PCSK5: variants seen among roughly 807,000 people sequenced by gnomAD.
PCSK5 encodes the protein prohormone convertase 5.
In PCSK5, 129 loss-of-function variants were observed where a neutral mutation model predicts 233.2. The observed-to-expected ratio is 0.55, with a 90% confidence interval of 0.48 to 0.64. PCSK5 has a LOEUF of 0.64. Ranked by LOEUF, PCSK5 falls within the 30% of genes least tolerant of loss-of-function variation. PCSK5 has a pLI of 0.00. For synonymous variants in PCSK5, 825 were observed against 879.2 expected, an observed-to-expected ratio of 0.94 and a Z score of 1.09; for missense variants, 2,076 against 2,430.1, an observed-to-expected ratio of 0.85 and a Z score of 3.06.
chr9:76,207,046 T>G (rs1239234929), intron 20 of PCSK5, among the ~76,000 whole-genome samples: 1 of 152,124 alleles, frequency 6.6e-6, no homozygotes, highest in Non-Finnish European at 1.5e-5. Context: ...AAGCCAGCAG[T>G]AGCCTCGTTA....
At chr9:76,273,768 G>A (rs1259702442) in intron 24 of PCSK5, among the ~76,000 whole-genome samples, 1 of 150,620 alleles carries the variant, frequency 6.6e-6, no homozygotes, top group Non-Finnish European at 1.5e-5. Flanking sequence ...AAGTAGCTGG[G>A]ATTACAGGTG....
chr9:75,935,432 C>T (rs766867359), intron 2 of PCSK5, among the ~76,000 whole-genome samples: 6 of 152,170 alleles, frequency 3.9e-5, no homozygotes, highest in Non-Finnish European at 8.8e-5. Flanking sequence ...TTGGGATCAA[C>T]TTACAGATAT....
chr9:76,361,513 C>T lies in PCSK5; in HGVS notation c.*2591C>T, dbSNP rs1243505277. 6.6e-6 allele frequency: 1 copy of T among 152,088 alleles called. No homozygotes were observed. The highest frequency in any genetic ancestry group is 6.5e-5 in the Admixed American group (1 of 15,272). The allele number at this position is 152,088 out of a possible 1,614,324, so 9.4% of individuals were successfully genotyped here. On this transcript the variant is annotated 3_prime_UTR_variant, in exon 38 of 38. Transcript: ENST00000674117. Reference sequence around the variant, plus strand: ...CCAGGAGTTCGACATCAGCCTTGGACAACATAGTGAGACTCCCGTGTCTAC... The same window carrying T: ...CCAGGAGTTCGACATCAGCCTTGGATAACATAGTGAGACTCCCGTGTCTAC...
intron 7 of PCSK5, among the ~76,000 whole-genome samples, chr9:76,089,383 T>C (rs964295576): frequency 6.6e-6 from 1 of 152,184 alleles, no homozygotes; most frequent in African/African-American, 2.4e-5. Flanking sequence ...CATATACAGA[T>C]CCAGAGGTTC....
chr9:76,013,625 T>G (rs1281818770), intron 3 of PCSK5, among the ~76,000 whole-genome samples: 1 of 152,212 alleles, frequency 6.6e-6, no homozygotes, highest in Non-Finnish European at 1.5e-5. Flanking sequence ...ATTCGTCCAT[T>G]CACCCATTCA....
At chr9:76,038,448 A>G (rs577211785) in intron 5 of PCSK5, among the ~76,000 whole-genome samples, 1 of 152,292 alleles carries the variant, frequency 6.6e-6, no homozygotes, top group East Asian at 1.9e-4. Flanking sequence ...TGTTAATTTT[A>G]TTGAATGTCA....
intron 20 of PCSK5, chr9:76,193,392 A>G: frequency 8.0e-7 from 1 of 1,249,738 alleles, no homozygotes; most frequent in Non-Finnish European, 1.1e-6. Flanking sequence ...AGACTTATAG[A>G]TTATTCCATA....
Position 76,354,188 on chromosome 9 carries a change from C to T in PCSK5, c.5223C>T (p.Ala1741=). 3 of 1,587,994 alleles carry T rather than the reference C, an allele frequency of 1.9e-6. No individual in the cohort carries two copies. The highest frequency in any genetic ancestry group is 2.6e-6 in the Non-Finnish European group (3 of 1,167,952). ...GCAACACCTCTGATCCCCCCAGTGC[C>T]CAGGAGTGCTGTGACTGCCAGGACA... ...HCCNTSDPPS[A]QECCDCQDTT... Residue 1741 remains alanine (A), a synonymous_variant, in exon 37 of 38, where the codon GCC becomes GCT. Coordinates refer to ENST00000674117, the MANE Select transcript of PCSK5 (RefSeq NM_001372043.1).
At chr9:76,169,649 T>C (rs1239163495) in intron 12 of PCSK5, 55 bp from the exon 13 acceptor site, 5 of 1,573,078 alleles carry the variant, frequency 3.2e-6, no homozygotes, top group Non-Finnish European at 4.4e-6. Flanking sequence ...TGGTATTAAC[T>C]AGACCCTCAT....
At chr9:75,911,859 AT>A (rs1293058673) in intron 1 of PCSK5, among the ~76,000 whole-genome samples, 1 of 152,036 alleles carries the variant, frequency 6.6e-6, no homozygotes, top group Non-Finnish European at 1.5e-5. Context: ...TGCTTTTCCA[AT>A]TTCTCCCTTT....
At chr9:76,338,821 T>C (rs1164448132) in intron 35 of PCSK5, among the ~76,000 whole-genome samples, 2 of 152,114 alleles carry the variant, frequency 1.3e-5, no homozygotes, top group East Asian at 1.9e-4. Flanking sequence ...TCCATGCCTC[T>C]TTTACAGAAA....
intron 3 of PCSK5, among the ~76,000 whole-genome samples, chr9:75,993,970 T>C (rs1474049641): frequency 6.6e-6 from 1 of 152,134 alleles, no homozygotes; most frequent in Non-Finnish European, 1.5e-5. Context: ...ACCATATCAT[T>C]TATATAAATG....
At chr9:76,175,522 C>T (rs184639653) in intron 14 of PCSK5, 4 of 317,566 alleles carry the variant, frequency 1.3e-5, no homozygotes, top group East Asian at 4.9e-5. Flanking sequence ...CAGAATTTTA[C>T]ACTATTTTAA....
chr9:76,101,139 G>A (rs1051834983), intron 8 of PCSK5, among the ~76,000 whole-genome samples: 4 of 151,670 alleles, frequency 2.6e-5, no homozygotes, highest in East Asian at 1.9e-4. Context: ...TCTGTTTTTC[G>A]CACTACAATG....
At chr9:75,968,388 A>G (rs927429493) in intron 2 of PCSK5, among the ~76,000 whole-genome samples, 15 of 152,230 alleles carry the variant, frequency 9.9e-5, no homozygotes, top group South Asian at 8.3e-4. Context: ...GCAAACATGT[A>G]TTGCACATCC....
At chr9:75,997,549 C>T (rs987401280) in intron 3 of PCSK5, among the ~76,000 whole-genome samples, 17 of 152,162 alleles carry the variant, frequency 1.1e-4, no homozygotes, top group South Asian at 2.1e-4. Flanking sequence ...TGATTCAAGC[C>T]GAAAGAGCTG....
At chr9:75,983,252 T>G (rs1826358010) in intron 2 of PCSK5, among the ~76,000 whole-genome samples, 1 of 152,214 alleles carries the variant, frequency 6.6e-6, no homozygotes, top group Non-Finnish European at 1.5e-5. Context: ...CCCATTTATA[T>G]TTATGTAATA....
chr9:76,309,115 G>A (rs1464956900), intron 29 of PCSK5, among the ~76,000 whole-genome samples: 4 of 152,112 alleles, frequency 2.6e-5, no homozygotes, highest in Admixed American at 6.5e-5. Flanking sequence ...CTACTTGGGA[G>A]GCTGAAATGA....
At chr9:76,337,650 T>C (rs1829715141) in intron 34 of PCSK5, among the ~76,000 whole-genome samples, 1 of 152,004 alleles carries the variant, frequency 6.6e-6, no homozygotes, top group Non-Finnish European at 1.5e-5. Context: ...ATTTTTGTAT[T>C]TTTAGTAGAG....
Sources: allele counts gnomAD v4.1 joint callset (sites outside exome capture counted in the v4.1 genomes callset), GRCh38; gene constraint gnomAD v4.1.1; transcripts MANE v1.5; gene names NCBI Gene and HGNC (gene_info 2026-07-23, HGNC 2026-07-21).